The following MALRD1 variants were observed in gnomAD, a reference collection of about 807,000 sequenced individuals.
MALRD1 encodes MAM and LDL receptor class A domain containing 1.
A neutral mutation model predicts 242.1 loss-of-function variants in MALRD1; 247 were observed. The ratio of observed to expected loss-of-function variants is 1.02; its 90% CI spans 0.92 to 1.13. MALRD1 has a LOEUF of 1.13. MALRD1 is among the 50% of genes most tolerant of loss of function. The pLI, the probability that MALRD1 is intolerant of heterozygous loss-of-function variation, is 0.00. For missense variants in MALRD1, 2,989 were observed against 2,533.1 expected, an observed-to-expected ratio of 1.18 and a Z score of -3.86; for synonymous variants, 995 against 866.6, an observed-to-expected ratio of 1.15 and a Z score of -2.60.
intron 31 of MALRD1, among the ~76,000 whole-genome samples, chr10:19,523,077 G>A (rs1833951318): frequency 6.6e-6 from 1 of 152,118 alleles, no homozygotes; most frequent in Admixed American, 6.6e-5. Flanking sequence ...TTTACATGTA[G>A]TAGATCATTT....
intron 29 of MALRD1, among the ~76,000 whole-genome samples, chr10:19,482,734 G>A (rs1837055794): frequency 6.7e-6 from 1 of 149,206 alleles, no homozygotes; most frequent in South Asian, 2.1e-4. Flanking sequence ...TCTAACCAAG[G>A]AGGTGAAAGA....
Position 19,464,948 on chromosome 10 carries a change from A to AT in MALRD1, c.5029+14478dup, listed in dbSNP as rs60320410. Reference sequence around the variant, plus strand: ...ACCTCCTTGGTTAGGTATAATTCCAATTTTTTTTTTTTTTTTTTTTGCAGC... The same window carrying AT: ...ACCTCCTTGGTTAGGTATAATTCCAATTTTTTTTTTTTTTTTTTTTTGCAGC... On this transcript the variant is annotated intron_variant, in intron 29 of 39. Transcript: ENST00000454679. Among the ~76,000 whole-genome samples, 847 of 133,740 alleles carry AT rather than the reference A, an allele frequency of 6.3e-3. 6 individuals are homozygous for AT. Among genetic ancestry groups the AT allele is most frequent in the South Asian group, 0.01 (44 of 4,260 alleles). 87.7% of individuals were successfully genotyped at this position (133,740 alleles called of 152,430 possible).
Position 19,632,168 on chromosome 10 carries a change from A to G in MALRD1, c.6137+16245A>G, listed in dbSNP as rs564573428. Among the ~76,000 whole-genome samples, 261 of 152,288 alleles carry G rather than the reference A, an allele frequency of 1.7e-3. 2 individuals are homozygous for G. Among genetic ancestry groups the G allele is most frequent in the African/African-American group, 6.1e-3 (253 of 41,574 alleles). On this transcript the variant is annotated intron_variant, in intron 36 of 39. Transcript: ENST00000454679. ...CTAAATCTAAAGAGACAAGGAGTAGACCTTGGTTAACTAGCTTCTAATGAG... is the reference window on the plus strand; with the variant it reads ...CTAAATCTAAAGAGACAAGGAGTAGGCCTTGGTTAACTAGCTTCTAATGAG...
intron 29 of MALRD1, among the ~76,000 whole-genome samples, chr10:19,469,793 T>C (rs1452760639): frequency 6.6e-6 from 1 of 152,054 alleles, no homozygotes; most frequent in East Asian, 1.9e-4. Context: ...AAAACTTTAT[T>C]CAAGTGTGAT....
At position 19,165,790 on chromosome 10, in the gene MALRD1, G is replaced by T; in HGVS notation, c.1810G>T (p.Glu604Ter). The T allele has an allele frequency of 8.1e-7, 1 of 1,231,606 alleles. No homozygotes were observed. The allele number at this position is 1,231,606 out of a possible 1,614,324, so 76.3% of individuals were successfully genotyped here. A position where few individuals can be genotyped will look rare whatever the true frequency, so the allele number is the denominator to read the frequency against. ...AATTGATCTCATTGCAGAAGCGGGA[G>T]AATCTACTCTACCTTTTCAGGTAAG... ...AKIDLIAEAG[E>*]STLPFQLILE... The change falls in exon 13 of 40, where the codon GAA (glutamate) becomes TAA (stop). Residue 604 changes from glutamate to a stop codon, truncating the protein, a stop_gained. Coordinates refer to ENST00000454679, the MANE Select transcript of MALRD1 (RefSeq NM_001142308.3). LOFTEE classifies it high-confidence loss of function.
chr10:19,263,571 A>G (rs980463820), intron 19 of MALRD1, among the ~76,000 whole-genome samples: 1 of 151,926 alleles, frequency 6.6e-6, no homozygotes, highest in African/African-American at 2.4e-5. Flanking sequence ...CTTATTGGTT[A>G]TATGGTTTGG....
chr10:19,224,780 T>C (rs1375732858), intron 18 of MALRD1, among the ~76,000 whole-genome samples: 3 of 152,208 alleles, frequency 2.0e-5, no homozygotes, highest in African/African-American at 4.8e-5. Flanking sequence ...TCCCACTCTG[T>C]AGGTTGTGTG....
chr10:19,673,409 T>G (rs180954302), intron 36 of MALRD1, among the ~76,000 whole-genome samples: 4 of 151,876 alleles, frequency 2.6e-5, no homozygotes, highest in African/African-American at 9.7e-5. Flanking sequence ...TAAATAAAAT[T>G]TTTTGCCTTT....
intron 28 of MALRD1, among the ~76,000 whole-genome samples, chr10:19,426,741 T>C (rs897445032): frequency 2.6e-5 from 4 of 152,186 alleles, no homozygotes; most frequent in African/African-American, 9.7e-5. Context: ...AGGTAGAGGT[T>C]GCAGTGAGCC....
chr10:19,337,047 T>G (rs1237200152), intron 24 of MALRD1, among the ~76,000 whole-genome samples: 1 of 152,128 alleles, frequency 6.6e-6, no homozygotes, highest in Non-Finnish European at 1.5e-5. Flanking sequence ...TGTGTGTATA[T>G]GTATTACACA....
At chr10:19,109,651 C>A (rs939255729) in intron 5 of MALRD1, among the ~76,000 whole-genome samples, 1 of 152,146 alleles carries the variant, frequency 6.6e-6, no homozygotes, top group Non-Finnish European at 1.5e-5. Flanking sequence ...TGGCACACTA[C>A]CAAGTGGGAG....
chr10:19,600,760 G>C (rs1038024474), intron 34 of MALRD1, among the ~76,000 whole-genome samples: 1 of 152,150 alleles, frequency 6.6e-6, no homozygotes, highest in African/African-American at 2.4e-5. Flanking sequence ...TTCATGAATT[G>C]TTTAAAGTAT....
intron 36 of MALRD1, among the ~76,000 whole-genome samples, chr10:19,627,428 CAAA>C (rs912485509): frequency 1.3e-5 from 2 of 151,366 alleles, no homozygotes; most frequent in Non-Finnish European, 2.9e-5. Flanking sequence ...AACAAACAAA[CAAA>C]AAAGCAACAA....
chr10:19,344,402 A>C (rs1844017399), intron 24 of MALRD1, among the ~76,000 whole-genome samples: 1 of 152,098 alleles, frequency 6.6e-6, no homozygotes, highest in Non-Finnish European at 1.5e-5. Context: ...AGCATCATTG[A>C]CAAGACTGTC....
intron 36 of MALRD1, among the ~76,000 whole-genome samples, chr10:19,619,891 C>G (rs954022523): frequency 5.9e-5 from 9 of 151,926 alleles, no homozygotes; most frequent in African/African-American, 2.2e-4. Context: ...CACCCTCACC[C>G]TCATAGTCTC....
At chr10:19,224,954 A>T (rs1837729771) in intron 18 of MALRD1, among the ~76,000 whole-genome samples, 1 of 151,938 alleles carries the variant, frequency 6.6e-6, no homozygotes, top group African/African-American at 2.4e-5. Flanking sequence ...TTTCTTCTAG[A>T]GTTTTTATGG....
chr10:19,224,007 A>C (rs1030175579), intron 18 of MALRD1, among the ~76,000 whole-genome samples: 2 of 152,194 alleles, frequency 1.3e-5, no homozygotes, highest in Non-Finnish European at 2.9e-5. Context: ...TGCAGTAAAC[A>C]TATGTGTGAA....
chr10:19,097,585 G>A (rs541895175), intron 4 of MALRD1, among the ~76,000 whole-genome samples: 3 of 152,178 alleles, frequency 2.0e-5, no homozygotes, highest in South Asian at 4.1e-4. Context: ...CAATTCAGGT[G>A]AAACCTTCTT....
chr10:19,218,356 T>C (rs754829763), intron 18 of MALRD1, among the ~76,000 whole-genome samples: 4 of 152,158 alleles, frequency 2.6e-5, no homozygotes, highest in Non-Finnish European at 5.9e-5. Flanking sequence ...TTCTTTTTTC[T>C]TATGAACAGG....
Sources: allele counts gnomAD v4.1 joint callset (sites outside exome capture counted in the v4.1 genomes callset), GRCh38; gene constraint gnomAD v4.1.1; transcripts MANE v1.5; gene names NCBI Gene and HGNC (gene_info 2026-07-23, HGNC 2026-07-21).